Variants in CYP7B1 observed in about 807,000 individuals in gnomAD.
CYP7B1 encodes cytochrome P450 family 7 subfamily B member 1, also known as cytochrome P450 7B1.
A neutral mutation model predicts 42.7 loss-of-function variants in CYP7B1; 29 were observed. That is an observed-to-expected ratio of 0.68 (90% CI 0.51 to 0.93). CYP7B1 has a LOEUF of 0.93. CYP7B1 is among the 40% of genes least tolerant of loss of function. The probability of loss-of-function intolerance (pLI) is 0.00; values close to 1 mark genes in which losing one functional copy is unlikely to be tolerated. For missense variants in CYP7B1, 655 were observed against 600.5 expected, an observed-to-expected ratio of 1.09 and a Z score of -0.95; for synonymous variants, 235 against 218.2, an observed-to-expected ratio of 1.08 and a Z score of -0.68.
intron 1 of CYP7B1, among the ~76,000 whole-genome samples, chr8:64,772,489 G>A (rs918618201): frequency 7.9e-5 from 12 of 152,118 alleles, no homozygotes; most frequent in Non-Finnish European, 1.6e-4. Flanking sequence ...TTGAACTGCC[G>A]CACTAACTCT....
intron 1 of CYP7B1, among the ~76,000 whole-genome samples, chr8:64,692,921 C>A (rs1806769503): frequency 6.6e-6 from 1 of 152,154 alleles, no homozygotes; most frequent in Admixed American, 6.5e-5. Flanking sequence ...AATGCTTTTC[C>A]ATTTTCTATT....
intron 1 of CYP7B1, among the ~76,000 whole-genome samples, chr8:64,688,718 A>T (rs763692002): frequency 3.3e-5 from 5 of 152,096 alleles, no homozygotes; most frequent in African/African-American, 4.8e-5. Context: ...TGAGCCCAGG[A>T]GTTCAAAACT....
intron 1 of CYP7B1, among the ~76,000 whole-genome samples, chr8:64,728,630 A>C (rs972746633): frequency 1.3e-5 from 2 of 152,246 alleles, no homozygotes; most frequent in African/African-American, 2.4e-5. Flanking sequence ...AATGTTCTGC[A>C]AAGAAGCTGA....
Position 64,704,851 on chromosome 8 carries a change from T to C in CYP7B1, c.123-80312A>G, listed in dbSNP as rs980680160. The stretch of plus-strand genomic sequence containing the variant: ...AGTATGTCTGTGTGGCATGAAAATA[T>C]CTACTTAATCAATTAAATCAACAAC... On this transcript the variant is annotated intron_variant, in intron 1 of 5. Coordinates refer to ENST00000310193, the MANE Select transcript of CYP7B1 (RefSeq NM_004820.5). Among the ~76,000 whole-genome samples the C allele has an allele frequency of 1.0e-3, 156 of 152,164 alleles. 1 individual carries two copies. The highest frequency in any genetic ancestry group is 3.7e-3 in the African/African-American group (154 of 41,546).
chr8:64,643,813 C>G (rs1454309613), intron 1 of CYP7B1, among the ~76,000 whole-genome samples: 1 of 152,184 alleles, frequency 6.6e-6, no homozygotes, highest in East Asian at 1.9e-4. Flanking sequence ...AGAAACCACT[C>G]TTTCTGTTTC....
intron 1 of CYP7B1, among the ~76,000 whole-genome samples, chr8:64,630,918 G>A: frequency 6.6e-6 from 1 of 152,194 alleles, no homozygotes; most frequent in Admixed American, 6.5e-5. Context: ...GCAGGACAGA[G>A]GAATAGTGAG....
intron 1 of CYP7B1, among the ~76,000 whole-genome samples, chr8:64,763,932 G>A (rs973057426): frequency 1.5e-4 from 23 of 152,276 alleles, no homozygotes; most frequent in African/African-American, 4.8e-4. Flanking sequence ...TACTTCCTCC[G>A]ATCCCTGCCT....
At chr8:64,722,762 G>T (rs1432413687) in intron 1 of CYP7B1, among the ~76,000 whole-genome samples, 1 of 120,692 alleles carries the variant, frequency 8.3e-6, no homozygotes, top group African/African-American at 3.3e-5. Flanking sequence ...GGGGGCGGGA[G>T]GTTTTTTTTT....
chr8:64,717,543 G>A (rs1010089438), intron 1 of CYP7B1, among the ~76,000 whole-genome samples: 1 of 152,062 alleles, frequency 6.6e-6, no homozygotes, highest in Non-Finnish European at 1.5e-5. Flanking sequence ...TGTCCATTCG[G>A]ATGCACATCT....
rs534429662 is a variant in CYP7B1, at chr8:64,746,920, C to T, written c.122+51546G>A. Among the ~76,000 whole-genome samples the T allele has an allele frequency of 2.3e-3, 346 of 151,708 alleles. 3 individuals carry two copies. The highest frequency in any genetic ancestry group is 3.9e-3 in the Non-Finnish European group (266 of 67,856). On this transcript the variant is annotated intron_variant, in intron 1 of 5. Transcript: ENST00000310193. ...ATAAATCCATAAAATTGTATATACC[C>T]TCACTTTATAGAATATTTTATTCCT...
At chr8:64,646,138 G>A (rs1460185712) in intron 1 of CYP7B1, among the ~76,000 whole-genome samples, 2 of 151,966 alleles carry the variant, frequency 1.3e-5, no homozygotes, top group African/African-American at 4.8e-5. Context: ...CATAGGCATG[G>A]GCAAGGACTT....
chr8:64,641,602 G>T (rs1410191295), intron 1 of CYP7B1, among the ~76,000 whole-genome samples: 1 of 152,118 alleles, frequency 6.6e-6, no homozygotes, highest in African/African-American at 2.4e-5. Context: ...ATGATAACTT[G>T]ATAGTTCTTA....
intron 1 of CYP7B1, among the ~76,000 whole-genome samples, chr8:64,724,967 C>G (rs1219129665): frequency 1.3e-5 from 2 of 152,212 alleles, no homozygotes; most frequent in Admixed American, 6.5e-5. Context: ...CTAACCTTGT[C>G]CGATAGTACG....
At chr8:64,648,846 C>T (rs949223627) in intron 1 of CYP7B1, among the ~76,000 whole-genome samples, 23 of 152,222 alleles carry the variant, frequency 1.5e-4, no homozygotes, top group East Asian at 5.8e-4. Context: ...CTAAAATCTA[C>T]GGTCTAGAAT....
At chr8:64,762,561 T>C (rs1017251006) in intron 1 of CYP7B1, among the ~76,000 whole-genome samples, 1 of 152,230 alleles carries the variant, frequency 6.6e-6, no homozygotes, top group Non-Finnish European at 1.5e-5. Context: ...TCATAATGCA[T>C]TTGAAAACGT....
At chr8:64,587,114 G>A (rs1009267497), downstream of CYP7B1, among the ~76,000 whole-genome samples, 3 of 152,230 alleles carry the variant, frequency 2.0e-5, no homozygotes, top group Non-Finnish European at 4.4e-5. Context: ...TTTGTGCTGG[G>A]ACCTGGCAGG....
intron 1 of CYP7B1, among the ~76,000 whole-genome samples, chr8:64,793,794 T>C (rs1421231826): frequency 6.6e-6 from 1 of 152,034 alleles, no homozygotes; most frequent in East Asian, 1.9e-4. Flanking sequence ...TATTTATTGA[T>C]ATCAACTTAA....
In CYP7B1 at chr8:64,615,587, G is replaced by A; in HGVS notation, c.850+104C>T. The A allele has an allele frequency of 2.8e-6, 3 of 1,087,040 alleles. No homozygotes were observed. The South Asian group carries it at 3.9e-5, about 14-fold the overall frequency. 67.3% of individuals were successfully genotyped at this position (1,087,040 alleles called of 1,614,324 possible). ...AAAACATTTTATCATTAGCCAATTA[G>A]AAAGAGCATAAAAAATTTTCAAGGT... On this transcript the variant is annotated intron_variant, in intron 3 of 5. Transcript: ENST00000310193.
At chr8:64,626,747 C>T (rs897578125) in intron 1 of CYP7B1, among the ~76,000 whole-genome samples, 6 of 152,118 alleles carry the variant, frequency 3.9e-5, no homozygotes, top group Non-Finnish European at 8.8e-5. Context: ...GAAAACAAAG[C>T]CATTTTATCC....
Sources: gnomAD v4.1 joint callset for allele counts (sites outside exome capture counted in the v4.1 genomes callset) on GRCh38, gnomAD v4.1.1 for gene constraint, MANE v1.5 for transcripts, NCBI Gene and HGNC (gene_info 2026-07-23, HGNC 2026-07-21) for gene names.